ARHGAP44: variants seen among roughly 807,000 people sequenced by gnomAD.
The protein encoded by ARHGAP44 is rho GTPase-activating protein 44.
A neutral mutation model predicts 106.8 loss-of-function variants in ARHGAP44; 43 were observed. The observed-to-expected ratio is 0.40, with a 90% CI of 0.32 to 0.52. The LOEUF is 0.52. Among genes scored for constraint, ARHGAP44 ranks in the 20% least tolerant of loss-of-function variants. The pLI is 0.48. For missense variants in ARHGAP44, 866 were observed against 1,050.5 expected (o/e 0.82, Z 2.43); for synonymous variants, 439 against 410.3 (o/e 1.07, Z -0.85).
chr17:12,971,647 T>C (rs1170599281), intron 16 of ARHGAP44, among the ~76,000 whole-genome samples: 1 of 152,146 alleles, frequency 6.6e-6, no homozygotes, highest in East Asian at 1.9e-4. Flanking sequence ...GAGTTTCAAG[T>C]GGCCTCCAAA....
intron 1 of ARHGAP44, among the ~76,000 whole-genome samples, chr17:12,820,784 G>A (rs142182933): frequency 1.3e-5 from 2 of 152,220 alleles, no homozygotes; most frequent in East Asian, 3.9e-4. Context: ...GAGATTTTAT[G>A]TTATCCCAGT....
chr17:12,824,958 A>G (rs2034876934), intron 1 of ARHGAP44, among the ~76,000 whole-genome samples: 1 of 151,778 alleles, frequency 6.6e-6, no homozygotes, highest in African/African-American at 2.4e-5. Context: ...CTCTTATTTT[A>G]TGTTCTTGTG....
intron 1 of ARHGAP44, among the ~76,000 whole-genome samples, chr17:12,835,662 C>A (rs2035217123): frequency 1.3e-5 from 2 of 152,090 alleles, no homozygotes; most frequent in African/African-American, 4.8e-5. Context: ...ATATGACATA[C>A]AATTTACCAT....
At chr17:12,865,605 T>C (rs960995408) in intron 1 of ARHGAP44, among the ~76,000 whole-genome samples, 9 of 152,038 alleles carry the variant, frequency 5.9e-5, no homozygotes, top group Non-Finnish European at 1.2e-4. Flanking sequence ...CTGGCTAACA[T>C]GGTGAAACCC....
intron 3 of ARHGAP44, among the ~76,000 whole-genome samples, chr17:12,904,882 C>T (rs2037499364): frequency 6.6e-6 from 1 of 151,856 alleles, no homozygotes; most frequent in African/African-American, 2.4e-5. Context: ...ACTATAAATC[C>T]TCTAGCATCT....
At chr17:12,973,599 A>G (rs1197887867) in intron 17 of ARHGAP44, 25 of 531,128 alleles carry the variant, frequency 4.7e-5, no homozygotes, top group Non-Finnish European at 7.6e-5. Context: ...ACTCCAAGTT[A>G]CAAAAAGAAG....
intron 7 of ARHGAP44, 128 bp from the exon 8 acceptor site, chr17:12,940,928 C>A: frequency 1.4e-6 from 1 of 691,938 alleles, no homozygotes; most frequent in South Asian, 2.4e-5. Flanking sequence ...AAGTTTGTAT[C>A]ATATCAAGTA....
At chr17:12,970,345 G>A (rs1307309263) in intron 16 of ARHGAP44, among the ~76,000 whole-genome samples, 8 of 130,958 alleles carry the variant, frequency 6.1e-5, no homozygotes, top group Middle Eastern at 5.3e-3. Flanking sequence ...CAGCCTGGGC[G>A]ACAGAGCAAG....
intron 1 of ARHGAP44, among the ~76,000 whole-genome samples, chr17:12,847,963 TG>T (rs970186571): frequency 6.6e-6 from 1 of 152,230 alleles, no homozygotes; most frequent in African/African-American, 2.4e-5. Flanking sequence ...GCCCCAACCC[TG>T]TCTTTCTCAT....
In ARHGAP44 at chr17:12,931,510, T is replaced by A. The variant is rs549381364; in HGVS notation, c.582+2464T>A. ...CTTAGTCTTTTTTATTTATTTATTT[T>A]TTTTGAGACGGAGTCTTGCTCTGTC... On this transcript the variant is annotated intron_variant, in intron 7 of 20. Transcript: ENST00000379672. 8.0e-5 allele frequency among the ~76,000 whole-genome samples: 12 copies of A among 150,936 alleles called. No individual in the cohort carries two copies. In the South Asian group the frequency reaches 1.1e-3, roughly 13 times the overall value.
intron 10 of ARHGAP44, among the ~76,000 whole-genome samples, chr17:12,948,060 G>A (rs1005503844): frequency 2.0e-5 from 3 of 152,196 alleles, no homozygotes; most frequent in African/African-American, 7.2e-5. Context: ...CAGCCTGTGG[G>A]TTGCATTACA....
In ARHGAP44 at chr17:12,943,615, A is replaced by G; in HGVS notation, c.679A>G (p.Arg227Gly). Residue 227 changes from arginine (R) to glycine (G), a missense_variant, in exon 9 of 21, where the codon AGG becomes GGG. Around this residue, in one of 2 missense-constraint regions of ARHGAP44, gnomAD observed 448 missense variants for 646.9 expected, o/e 0.69. Coordinates refer to ENST00000379672, the MANE Select transcript of ARHGAP44 (RefSeq NM_014859.6). ...AATAGAAGTGCAAGCTGAATACCAC[A>G]GGAAGTCCCTGACACTATTGCAGGC... ...TLIEVQAEYH[R>G]KSLTLLQAVL... The G allele has an allele frequency of 6.2e-7, 1 of 1,613,966 alleles. No homozygotes were observed.
chr17:12,978,035 T>TTAAAAAAAAAAA, intron 18 of ARHGAP44, among the ~76,000 whole-genome samples: 1 of 55,560 alleles, frequency 1.8e-5, no homozygotes, highest in South Asian at 6.8e-4. Context: ...AGACTCCATC[T>TTAAAAAAAAAAA]CAAAAAAAAA....
intron 1 of ARHGAP44, among the ~76,000 whole-genome samples, chr17:12,858,878 T>C (rs1481243343): frequency 6.6e-6 from 1 of 152,142 alleles, no homozygotes; most frequent in East Asian, 1.9e-4. Flanking sequence ...AGGCACGTCT[T>C]ACATGGTGGC....
chr17:12,819,495 A>G (rs1211021685), intron 1 of ARHGAP44, among the ~76,000 whole-genome samples: 1 of 151,856 alleles, frequency 6.6e-6, no homozygotes, highest in Non-Finnish European at 1.5e-5. Flanking sequence ...AAATCACCAA[A>G]CAGTTTCCCA....
intron 1 of ARHGAP44, among the ~76,000 whole-genome samples, chr17:12,849,890 G>A (rs1209627438): frequency 1.3e-5 from 2 of 152,026 alleles, no homozygotes; most frequent in East Asian, 1.9e-4. Context: ...GTGTTTGTTC[G>A]AGTGAGCGAT....
intron 6 of ARHGAP44, among the ~76,000 whole-genome samples, chr17:12,921,388 C>T (rs143366620): frequency 3.3e-5 from 5 of 152,276 alleles, no homozygotes; most frequent in African/African-American, 4.8e-5. Flanking sequence ...CTCTGTAACT[C>T]AGGCTGGAGT....
chr17:12,802,753 CTTTTTTTTTTTT>C (rs869172678), intron 1 of ARHGAP44, among the ~76,000 whole-genome samples: 2 of 108,708 alleles, frequency 1.8e-5, no homozygotes, highest in South Asian at 3.4e-4. Context: ...TTTTTTATTT[CTTTTTTTTTTTT>C]TTTTTTTTTT....
chr17:12,927,003 T>G (rs1318817472), intron 6 of ARHGAP44, among the ~76,000 whole-genome samples: 1 of 152,058 alleles, frequency 6.6e-6, no homozygotes, highest in East Asian at 1.9e-4. Context: ...ACTGGGAGAG[T>G]ATTAATCAAA....
Sources: gnomAD v4.1 joint callset for allele counts (sites outside exome capture counted in the v4.1 genomes callset) on GRCh38, gnomAD v4.1.1 for gene constraint, gnomAD v4.1.1 regional missense constraint, MANE v1.5 for transcripts, NCBI Gene and HGNC (gene_info 2026-07-23, HGNC 2026-07-21) for gene names.